ZNF469: variants seen among roughly 807,000 people sequenced by gnomAD.
ZNF469 encodes the protein zinc finger protein 469.
A neutral mutation model predicts 1.0 loss-of-function variants in ZNF469; 1 was observed. That is an observed-to-expected ratio of 1.00 (90% CI 0.35 to 4.73). The LOEUF is 4.73. ZNF469 is among the 30% of genes most tolerant of loss of function. ZNF469 has a pLI of 0.16. For synonymous variants in ZNF469, 2,703 were observed against 2,363.4 expected (o/e 1.14, Z -4.17); for missense variants, 6,100 against 5,356.3 (o/e 1.14, Z -4.33).
rs1207161237 is a variant in ZNF469 at position 88,437,056 on chromosome 16, G to A, written c.9586G>A (p.Glu3196Lys). The A allele has an allele frequency of 2.0e-6, 3 of 1,537,910 alleles. No individual in the cohort carries two copies. The highest frequency in any genetic ancestry group is 2.6e-6 in the Non-Finnish European group (3 of 1,143,622). Residue 3196 changes from glutamate to lysine, a missense_variant, in exon 3 of 3, where the codon GAG (glutamate) becomes AAG (lysine). Transcript: ENST00000565624. ...CTGGATGTACAACGAGCACCTGCGT[G>A]AGCACGCGGTCCGCTTCGCCCGCAG... ...DVWMYNEHLR[E>K]HAVRFARRGQ... is the part of the protein sequence containing the mutation.
At chr16:88,291,610 G>A in the ZNF469 span, among the ~76,000 whole-genome samples, 1 of 152,080 alleles carries the variant, frequency 6.6e-6, no homozygotes, top group Non-Finnish European at 1.5e-5. Context: ...TCCCTAGTTA[G>A]AGACTCTCCC....
At chr16:88,185,634 A>C in the ZNF469 span, among the ~76,000 whole-genome samples, 1 of 152,002 alleles carries the variant, frequency 6.6e-6, no homozygotes, top group African/African-American at 2.4e-5. Context: ...ACATTTGCAC[A>C]CTCACACATG....
intron 1 of ZNF469, among the ~76,000 whole-genome samples, chr16:88,385,227 C>T (rs539656506): frequency 1.3e-5 from 2 of 152,186 alleles, no homozygotes; most frequent in South Asian, 4.2e-4. Flanking sequence ...CCTCCTTTCT[C>T]CTGGAGTCTT....
the ZNF469 span, among the ~76,000 whole-genome samples, chr16:88,241,344 G>T: frequency 6.8e-6 from 1 of 146,520 alleles, no homozygotes; most frequent in African/African-American, 2.7e-5. This position sits in a 1 kb window ranked among gnomAD's most constrained non-coding sequence, Gnocchi z 4.8. Flanking sequence ...GGGCGGCAGG[G>T]TGAGACTCCC....
chr16:88,203,056 G>T, the ZNF469 span, among the ~76,000 whole-genome samples: 1 of 152,168 alleles, frequency 6.6e-6, no homozygotes, highest in Non-Finnish European at 1.5e-5. Flanking sequence ...GGGGGCGGGG[G>T]CCGTGAGTCA....
chr16:88,427,444 T>C lies in ZNF469; in HGVS notation c.-27T>C. On this transcript the variant is annotated 5_prime_UTR_variant, in exon 3 of 3. Transcript: ENST00000565624. Reference sequence around the variant, plus strand: ...CCAGGGCCCCCCTCGGACAGCTGCGTCGTCCTAGCGCCAGGACGGAGGGGC... The same window carrying C: ...CCAGGGCCCCCCTCGGACAGCTGCGCCGTCCTAGCGCCAGGACGGAGGGGC... 1 of 1,458,904 alleles carries C rather than the reference T, an allele frequency of 6.9e-7. No individual in the cohort carries two copies. Among genetic ancestry groups the C allele is most frequent in the Non-Finnish European group, 9.0e-7 (1 of 1,107,224 alleles). 90.4% of individuals were successfully genotyped at this position (1,458,904 alleles called of 1,614,324 possible).
chr16:88,430,689 C>A lies in ZNF469; in HGVS notation c.3219C>A (p.Gly1073=). The part of the protein sequence containing the change: ...RRLGRRAGRC[G]SLAAGRPRPG... Reference sequence around the variant, plus strand: ...TGGGGCGGCGGGCGGGCAGGTGCGGCTCCCTGGCGGCGGGGAGGCCCCGGC... The same window carrying A: ...TGGGGCGGCGGGCGGGCAGGTGCGGATCCCTGGCGGCGGGGAGGCCCCGGC... Residue 1073 remains glycine (G), a synonymous_variant, in exon 3 of 3, where the codon GGC becomes GGA. Coordinates refer to ENST00000565624, the MANE Select transcript of ZNF469 (RefSeq NM_001367624.2). 1 of 1,487,914 alleles carries A rather than the reference C, an allele frequency of 6.7e-7. No homozygotes were observed. 92.2% of individuals were successfully genotyped at this position (1,487,914 alleles called of 1,614,324 possible). A position where few individuals can be genotyped will look rare whatever the true frequency, so the allele number is the denominator to read the frequency against.
chr16:88,430,497 G>A lies in ZNF469; in HGVS notation c.3027G>A (p.Ala1009=), dbSNP rs186499941. The A allele has an allele frequency of 2.0e-5, 28 of 1,418,786 alleles. 1 individual carries two copies. The African/African-American group carries it at 2.6e-4, about 13-fold the overall frequency. 87.9% of individuals were successfully genotyped at this position (1,418,786 alleles called of 1,614,324 possible). The change falls in exon 3 of 3, where the codon GCG becomes GCA. Residue 1009 remains alanine (A), a synonymous_variant. Coordinates refer to ENST00000565624, the MANE Select transcript of ZNF469 (RefSeq NM_001367624.2). The part of the protein sequence containing the change: ...TQAPGSRADP[A]PRVPRAAALP... Reference sequence around the variant, plus strand: ...CCCCCGGGAGCCGCGCAGACCCCGCGCCCCGGGTCCCGAGAGCCGCCGCCC... The same window carrying A: ...CCCCCGGGAGCCGCGCAGACCCCGCACCCCGGGTCCCGAGAGCCGCCGCCC...
At chr16:88,341,743 G>A in the ZNF469 span, among the ~76,000 whole-genome samples, 1 of 152,192 alleles carries the variant, frequency 6.6e-6, no homozygotes, top group Non-Finnish European at 1.5e-5. Context: ...ACTGGGGGTG[G>A]GGTTCAGATG....
At chr16:88,251,510 T>C in the ZNF469 span, among the ~76,000 whole-genome samples, 1 of 146,222 alleles carries the variant, frequency 6.8e-6, no homozygotes, top group South Asian at 2.2e-4. Context: ...TTGCCATCTC[T>C]GTGGTAAGCA....
At chr16:88,256,359 C>T in the ZNF469 span, among the ~76,000 whole-genome samples, 1 of 152,182 alleles carries the variant, frequency 6.6e-6, no homozygotes, top group Non-Finnish European at 1.5e-5. Flanking sequence ...CTTACATGTC[C>T]TCCACATCCT....
the ZNF469 span, among the ~76,000 whole-genome samples, chr16:88,330,043 C>A: frequency 2.6e-5 from 4 of 152,262 alleles, no homozygotes; most frequent in East Asian, 7.7e-4. Context: ...ATGCCATCCA[C>A]ATGAAATGCC....
intron 2 of ZNF469, among the ~76,000 whole-genome samples, chr16:88,425,309 G>A (rs1036161862): frequency 1.1e-4 from 17 of 152,192 alleles, no homozygotes; most frequent in African/African-American, 2.4e-4. Flanking sequence ...CCTCCTGGAG[G>A]ACTCTGGCCA....
chr16:88,101,600 C>A, the ZNF469 span, among the ~76,000 whole-genome samples: 2 of 150,920 alleles, frequency 1.3e-5, no homozygotes, highest in Non-Finnish European at 2.9e-5. Context: ...GGGCTGGGTG[C>A]CCCGGCCACC....
chr16:88,252,305 A>C, the ZNF469 span, among the ~76,000 whole-genome samples: 1 of 150,192 alleles, frequency 6.7e-6, no homozygotes, highest in African/African-American at 2.5e-5. Flanking sequence ...TTTCAAGCCA[A>C]CTTTTCTCAC....
chr16:88,147,624 CT>C, the ZNF469 span, among the ~76,000 whole-genome samples: 1 of 152,082 alleles, frequency 6.6e-6, no homozygotes, highest in Admixed American at 6.5e-5. Context: ...AGCAGAGCAC[CT>C]GCTGGGTGCA....
At chr16:88,404,700 C>T (rs768956181) in intron 1 of ZNF469, among the ~76,000 whole-genome samples, 4 of 152,062 alleles carry the variant, frequency 2.6e-5, no homozygotes, top group South Asian at 2.1e-4. Flanking sequence ...AAGGAGGCAC[C>T]GACCACCCAG....
At chr16:88,420,280 C>A (rs553913096) in intron 1 of ZNF469, among the ~76,000 whole-genome samples, 1 of 152,328 alleles carries the variant, frequency 6.6e-6, no homozygotes, top group African/African-American at 2.4e-5. Context: ...GCAGAAACAA[C>A]CAGGAGAATG....
rs1244602840 is a variant in ZNF469, at chr16:88,439,481, T to C, written c.*149T>C. The C allele has an allele frequency of 2.2e-6, 2 of 904,374 alleles. No homozygotes were observed. Among genetic ancestry groups the C allele is most frequent in the Admixed American group, 4.5e-5 (2 of 44,580 alleles). 56.0% of individuals were successfully genotyped at this position (904,374 alleles called of 1,614,324 possible). ...GGCCTTGATGTCAGAGCTGAGGTGGTGATGCTTTGAACAGGGCCCAGGTGG... is the reference window on the plus strand; with the variant it reads ...GGCCTTGATGTCAGAGCTGAGGTGGCGATGCTTTGAACAGGGCCCAGGTGG... On this transcript the variant is annotated 3_prime_UTR_variant, in exon 3 of 3. Transcript: ENST00000565624.
Sources: allele counts gnomAD v4.1 joint callset (sites outside exome capture counted in the v4.1 genomes callset), GRCh38; gene constraint gnomAD v4.1.1; non-coding constraint Gnocchi (gnomAD v3.1); transcripts MANE v1.5; gene names NCBI Gene and HGNC (gene_info 2026-07-23, HGNC 2026-07-21).